SPECC1: variants seen among roughly 807,000 people sequenced by gnomAD.
The protein encoded by SPECC1 is cytospin-B.
In SPECC1, 62 loss-of-function variants were observed where a neutral mutation model predicts 104.1. That is an observed-to-expected ratio of 0.60 (90% CI 0.49 to 0.74). The LOEUF is 0.74. Among genes scored for constraint, SPECC1 ranks in the 30% least tolerant of loss-of-function variants. The probability of loss-of-function intolerance (pLI) is 0.00; values close to 1 mark genes in which losing one functional copy is unlikely to be tolerated. For missense variants in SPECC1, 1,306 were observed against 1,310.5 expected, an observed-to-expected ratio of 1.00 and a Z score of 0.05; for synonymous variants, 513 against 501.6, an observed-to-expected ratio of 1.02 and a Z score of -0.30.
In SPECC1 at chr17:20,062,819, G is replaced by A. The variant is rs141561557; in HGVS notation, c.-21-33812G>A. 1.5e-3 allele frequency among the ~76,000 whole-genome samples: 223 copies of A among 151,996 alleles called. 2 individuals carry two copies. The highest frequency in any genetic ancestry group is 5.0e-3 in the African/African-American group (209 of 41,440). On this transcript the variant is annotated intron_variant, in intron 1 of 14. Coordinates refer to ENST00000395527, the MANE Select transcript of SPECC1 (RefSeq NM_001243439.2). ...GTCTCCTGCCTCAGCCTCCCGAGTA[G>A]CAAGGATTACAGGTGCACGCTACCA... is the stretch of plus-strand genomic sequence containing the variant.
At chr17:20,190,210 C>G (rs957552756) in intron 3 of SPECC1, among the ~76,000 whole-genome samples, 1 of 152,202 alleles carries the variant, frequency 6.6e-6, no homozygotes, top group Non-Finnish European at 1.5e-5. Flanking sequence ...CTTCTGTTAT[C>G]TCATTTGTTC....
Position 20,232,338 on chromosome 17 carries a change from C to A in SPECC1, c.2284C>A (p.Arg762=). 1 of 1,613,998 alleles carries A rather than the reference C, an allele frequency of 6.2e-7. No individual in the cohort carries two copies. Among genetic ancestry groups the A allele is most frequent in the African/African-American group, 1.3e-5 (1 of 75,020 alleles). Reference sequence around the variant, plus strand: ...GCTGGAGGAGGAGGAGAAGAATGCCCGGTTGCAGAAGGAGCTGGGGGATGT... The same window carrying A: ...GCTGGAGGAGGAGGAGAAGAATGCCAGGTTGCAGAAGGAGCTGGGGGATGT... The part of the protein sequence containing the change: ...KLLEEEEKNA[R]LQKELGDVQG... Residue 762 remains arginine, a synonymous_variant, in exon 7 of 15, where the codon CGG becomes AGG. Transcript: ENST00000395527.
At chr17:20,266,263 A>G (rs1231438678) in intron 12 of SPECC1, among the ~76,000 whole-genome samples, 1 of 152,086 alleles carries the variant, frequency 6.6e-6, no homozygotes, top group African/African-American at 2.4e-5. Context: ...GCCTCCTTCC[A>G]TATATTGTTC....
chr17:20,296,651 G>A (rs1374074639), intron 12 of SPECC1, among the ~76,000 whole-genome samples: 2 of 152,150 alleles, frequency 1.3e-5, no homozygotes, highest in African/African-American at 4.8e-5. Flanking sequence ...TCCTATCCAT[G>A]AGCATGGAAT....
intron 1 of SPECC1, among the ~76,000 whole-genome samples, chr17:20,064,825 A>G (rs2046307351): frequency 6.6e-6 from 1 of 151,314 alleles, no homozygotes; most frequent in Admixed American, 6.6e-5. Context: ...TTCACTAACC[A>G]CTCCTTGCCG....
chr17:20,276,640 G>A (rs536907224), intron 12 of SPECC1, among the ~76,000 whole-genome samples: 1 of 152,280 alleles, frequency 6.6e-6, no homozygotes, highest in South Asian at 2.1e-4. Flanking sequence ...GCACCTAGCA[G>A]CGTGGTAAGG....
At chr17:20,072,584 C>T (rs746406084) in intron 1 of SPECC1, among the ~76,000 whole-genome samples, 12 of 152,192 alleles carry the variant, frequency 7.9e-5, no homozygotes, top group Non-Finnish European at 1.8e-4. Context: ...CATGGGGCTG[C>T]CGTGCCAGGC....
Position 20,317,973 on chromosome 17 carries a change from G to A in SPECC1, c.*3908G>A, listed in dbSNP as rs1453009477. 1 of 227,562 alleles carries A rather than the reference G, an allele frequency of 4.4e-6. No individual in the cohort carries two copies. Among genetic ancestry groups the A allele is most frequent in the East Asian group, 6.3e-5 (1 of 15,822 alleles). The allele number at this position is 227,562 out of a possible 1,614,324, so 14.1% of individuals were successfully genotyped here. ...TTTTTAACAGAGCTCAGAGCACCAGGTGAAGGTGGAAAGTTGGCAGGAAAA... is the reference window on the plus strand; with the variant it reads ...TTTTTAACAGAGCTCAGAGCACCAGATGAAGGTGGAAAGTTGGCAGGAAAA... On this transcript the variant is annotated 3_prime_UTR_variant, in exon 15 of 15. Coordinates refer to ENST00000395527, the MANE Select transcript of SPECC1 (RefSeq NM_001243439.2).
At chr17:20,124,714 C>T (rs1012009129) in intron 3 of SPECC1, among the ~76,000 whole-genome samples, 1 of 152,188 alleles carries the variant, frequency 6.6e-6, no homozygotes, top group African/African-American at 2.4e-5. Context: ...ACTTAACCTT[C>T]CGAACATCAT....
chr17:20,022,861 G>T (rs946578186), intron 1 of SPECC1, among the ~76,000 whole-genome samples: 7 of 152,200 alleles, frequency 4.6e-5, no homozygotes, highest in Non-Finnish European at 1.0e-4. Context: ...GGGTGGACTC[G>T]GCATTGAGAA....
chr17:20,296,680 G>C (rs2041362297), intron 12 of SPECC1, among the ~76,000 whole-genome samples: 1 of 152,052 alleles, frequency 6.6e-6, no homozygotes, highest in South Asian at 2.1e-4. Flanking sequence ...ATTTGTTTGT[G>C]TCCTCTTTTA....
chr17:20,054,681 T>TG (rs34785645), intron 1 of SPECC1, among the ~76,000 whole-genome samples: 33 of 151,738 alleles, frequency 2.2e-4, no homozygotes, highest in Admixed American at 4.6e-4. Flanking sequence ...TTTCTTTTTT[T>TG]GGGGGGGGTG....
At chr17:20,136,288 G>A (rs1302473512) in intron 3 of SPECC1, among the ~76,000 whole-genome samples, 1 of 152,088 alleles carries the variant, frequency 6.6e-6, no homozygotes, top group Non-Finnish European at 1.5e-5. Context: ...GCCAGGCATA[G>A]TGGCGCACGT....
chr17:20,038,632 T>C (rs9909011), intron 1 of SPECC1, among the ~76,000 whole-genome samples: 10,500 of 152,164 alleles, frequency 0.069, 982 homozygotes, highest in African/African-American at 0.21. Context: ...GAACTCCTGA[T>C]CTTGTGATCC....
chr17:20,051,446 A>G (rs1417401735), intron 1 of SPECC1, among the ~76,000 whole-genome samples: 1 of 152,128 alleles, frequency 6.6e-6, no homozygotes, highest in Non-Finnish European at 1.5e-5. Flanking sequence ...GAGTGCTAGG[A>G]TTACAGGTGT....
intron 5 of SPECC1, among the ~76,000 whole-genome samples, chr17:20,228,159 C>T (rs1373165542): frequency 6.6e-5 from 10 of 152,108 alleles, no homozygotes; most frequent in Admixed American, 6.5e-4. Context: ...GAACATGAGT[C>T]AGCAGTGTGT....
In SPECC1 at chr17:20,037,848, A is replaced by G. The variant is rs1220532666; in HGVS notation, c.-22+28424A>G. Among the ~76,000 whole-genome samples, 3 of 152,176 alleles carry G rather than the reference A, an allele frequency of 2.0e-5. No homozygotes were observed. In the East Asian group the frequency reaches 5.8e-4, roughly 29 times the overall value. The stretch of plus-strand genomic sequence containing the variant: ...AATAATTTGTCGTTTTTATTTGTTA[A>G]GGAAGGGTATAATTACCTTATCTAA... On this transcript the variant is annotated intron_variant, in intron 1 of 14. Coordinates refer to ENST00000395527, the MANE Select transcript of SPECC1 (RefSeq NM_001243439.2).
At chr17:20,014,584 A>C (rs571378053) in intron 1 of SPECC1, among the ~76,000 whole-genome samples, 1 of 152,222 alleles carries the variant, frequency 6.6e-6, no homozygotes, top group South Asian at 2.1e-4. Context: ...TGGGTATAGG[A>C]TTCTACGTTA....
chr17:20,243,583 C>CAT (rs969394737), intron 7 of SPECC1, among the ~76,000 whole-genome samples: 8 of 152,194 alleles, frequency 5.3e-5, no homozygotes, highest in Admixed American at 5.2e-4. Context: ...CACACACACA[C>CAT]ATACCACTGT....
Sources: gnomAD v4.1 joint callset for allele counts (sites outside exome capture counted in the v4.1 genomes callset) on GRCh38, gnomAD v4.1.1 for gene constraint, MANE v1.5 for transcripts, NCBI Gene and HGNC (gene_info 2026-07-23, HGNC 2026-07-21) for gene names.